Variants in PTPRR observed in about 807,000 individuals in gnomAD.
PTPRR encodes protein tyrosine phosphatase receptor type R, also known as receptor-type tyrosine-protein phosphatase R.
PTPRR carries 38 observed loss-of-function variants against 77.2 expected under a neutral mutation model. The observed-to-expected ratio is 0.49, with a 90% CI of 0.38 to 0.65. The LOEUF (loss-of-function observed/expected upper bound fraction) is 0.65, where lower values mean the gene tolerates loss of function less well. Ranked by LOEUF, PTPRR falls within the 30% of genes least tolerant of loss-of-function variation. The probability of loss-of-function intolerance (pLI) is 0.00; values close to 1 mark genes in which losing one functional copy is unlikely to be tolerated. For missense variants in PTPRR, 744 were observed against 799.2 expected (o/e 0.93, Z 0.83); for synonymous variants, 299 against 283.1 (o/e 1.06, Z -0.57).
At chr12:70,825,809 A>G (rs778804394) in intron 2 of PTPRR, among the ~76,000 whole-genome samples, 11 of 152,230 alleles carry the variant, frequency 7.2e-5, no homozygotes, top group Non-Finnish European at 1.5e-4. Flanking sequence ...TGGTATGAAA[A>G]AAGTCTTCAA....
intron 6 of PTPRR, among the ~76,000 whole-genome samples, chr12:70,708,098 A>T (rs1888684352): frequency 6.6e-6 from 1 of 152,004 alleles, no homozygotes; most frequent in East Asian, 1.9e-4. Context: ...TTCCTCTGAG[A>T]CTTCCTAGCA....
intron 2 of PTPRR, among the ~76,000 whole-genome samples, chr12:70,865,064 T>A (rs1359592752): frequency 6.6e-6 from 1 of 152,144 alleles, no homozygotes; most frequent in Non-Finnish European, 1.5e-5. Context: ...CCGCCCGCCT[T>A]GGCCTCCCAA....
intron 1 of PTPRR, among the ~76,000 whole-genome samples, chr12:70,919,507 C>G (rs1264147624): frequency 6.6e-6 from 1 of 152,114 alleles, no homozygotes; most frequent in East Asian, 1.9e-4. Context: ...TAATATCTCT[C>G]AGGTACTTCC....
chr12:70,712,674 G>T (rs866891715), intron 6 of PTPRR, among the ~76,000 whole-genome samples: 155 of 151,946 alleles, frequency 1.0e-3, no homozygotes, highest in Middle Eastern at 6.8e-3. Flanking sequence ...ACTGAAATTT[G>T]TCACGTAAAG....
intron 2 of PTPRR, among the ~76,000 whole-genome samples, chr12:70,782,311 C>T (rs1224526171): frequency 6.6e-6 from 1 of 152,022 alleles, no homozygotes; most frequent in Non-Finnish European, 1.5e-5. Flanking sequence ...ACTAGAAATA[C>T]CATTTGACCC....
intron 2 of PTPRR, among the ~76,000 whole-genome samples, chr12:70,874,128 T>A (rs1893008225): frequency 6.6e-6 from 1 of 152,164 alleles, no homozygotes. Flanking sequence ...CTTTAAGAAC[T>A]GAATGATTAT....
intron 10 of PTPRR, among the ~76,000 whole-genome samples, chr12:70,679,353 G>A (rs974349873): frequency 9.9e-5 from 15 of 152,218 alleles, no homozygotes; most frequent in South Asian, 2.1e-4. Context: ...TAAGAAAAAC[G>A]TGTATTCTGC....
At chr12:70,812,812 T>C (rs2137032269) in intron 2 of PTPRR, among the ~76,000 whole-genome samples, 2 of 152,340 alleles carry the variant, frequency 1.3e-5, no homozygotes, top group East Asian at 3.9e-4. Context: ...CAGATAGGTT[T>C]CCATTTTCAT....
chr12:70,772,622 T>C (rs1891003584), intron 2 of PTPRR, among the ~76,000 whole-genome samples: 1 of 152,128 alleles, frequency 6.6e-6, no homozygotes, highest in African/African-American at 2.4e-5. Context: ...ATTTCCACCT[T>C]AGGGTCTCTC....
chr12:70,908,025 CAAACAGCTA>C (rs1893648159), intron 1 of PTPRR, among the ~76,000 whole-genome samples: 1 of 152,102 alleles, frequency 6.6e-6, no homozygotes. Context: ...CATTGTTATA[CAAACAGCTA>C]AAATATAATT....
At chr12:70,801,176 A>G (rs1028703834) in intron 2 of PTPRR, among the ~76,000 whole-genome samples, 3 of 152,200 alleles carry the variant, frequency 2.0e-5, no homozygotes, top group Admixed American at 6.5e-5. Flanking sequence ...TCCTTTATAT[A>G]TCTGTTGTTC....
chr12:70,771,182 A>C (rs540046471), intron 2 of PTPRR, among the ~76,000 whole-genome samples: 1 of 151,900 alleles, frequency 6.6e-6, no homozygotes, highest in Non-Finnish European at 1.5e-5. Context: ...AAATAAAAAT[A>C]AAAAGATGTA....
chr12:70,774,703 G>C (rs1490519878), intron 2 of PTPRR, among the ~76,000 whole-genome samples: 1 of 152,088 alleles, frequency 6.6e-6, no homozygotes, highest in Non-Finnish European at 1.5e-5. Flanking sequence ...AGTACAAACA[G>C]ATATCTATGT....
chr12:70,816,480 T>C (rs758833612), intron 2 of PTPRR, among the ~76,000 whole-genome samples: 24 of 152,072 alleles, frequency 1.6e-4, no homozygotes, highest in Admixed American at 1.2e-3. Flanking sequence ...AGATAATTCA[T>C]TGAAGTGAAA....
chr12:70,701,450 CT>C, intron 6 of PTPRR, 127 bp from the exon 7 acceptor site: 2 of 805,488 alleles, frequency 2.5e-6, no homozygotes, highest in Non-Finnish European at 3.8e-6. Flanking sequence ...TATATTTTCT[CT>C]TTTAGTATCA....
At chr12:70,764,586 TA>T in intron 3 of PTPRR, 78 bp downstream of exon 3, 2 of 1,198,140 alleles carry the variant, frequency 1.7e-6, no homozygotes, top group South Asian at 2.4e-5. Flanking sequence ...GCCATACAAC[TA>T]TAGCATGAGC....
chr12:70,709,279 AAAACTCTTAAT>A (rs1233132997), intron 6 of PTPRR, among the ~76,000 whole-genome samples: 4 of 152,208 alleles, frequency 2.6e-5, no homozygotes, highest in African/African-American at 9.6e-5. Flanking sequence ...ATTCATGTTA[AAAACTCTTAAT>A]AAACTAGGTA....
In PTPRR at chr12:70,761,502, G is replaced by A; in HGVS notation, c.596C>T (p.Ser199Phe). 2 of 1,609,102 alleles carry A rather than the reference G, an allele frequency of 1.2e-6. No individual in the cohort carries two copies. Among genetic ancestry groups the A allele is most frequent in the Non-Finnish European group, 1.7e-6 (2 of 1,178,016 alleles). Residue 199 changes from serine to phenylalanine, a missense_variant, in exon 4 of 14, where the codon TCC (serine) becomes TTC (phenylalanine). Transcript: ENST00000283228. ...AGAGACTTCTGTAATTCCAAACTGG[G>A]ATAAACTTTGATGCAAAACATTGAT... ...LNINVLHQSL[S>F]QFGITEVSPE...
At chr12:70,883,355 T>C (rs1893181621) in intron 2 of PTPRR, among the ~76,000 whole-genome samples, 1 of 152,220 alleles carries the variant, frequency 6.6e-6, no homozygotes, top group Non-Finnish European at 1.5e-5. Context: ...TGTATTATGC[T>C]ATGGCTATTT....
Sources: allele counts gnomAD v4.1 joint callset (sites outside exome capture counted in the v4.1 genomes callset), GRCh38; gene constraint gnomAD v4.1.1; transcripts MANE v1.5; gene names NCBI Gene and HGNC (gene_info 2026-07-23, HGNC 2026-07-21).